Variants in DNAH17 observed in about 807,000 individuals in gnomAD.
DNAH17 encodes the protein dynein axonemal heavy chain 17.
A neutral mutation model predicts 485.6 loss-of-function variants in DNAH17; 376 were observed. The observed-to-expected ratio is 0.77, with a 90% CI of 0.71 to 0.84. The LOEUF (loss-of-function observed/expected upper bound fraction) is 0.84. Among genes scored for constraint, DNAH17 ranks in the 40% least tolerant of loss-of-function variants. DNAH17 has a pLI of 0.00. For synonymous variants in DNAH17, 3,031 were observed against 2,405.9 expected, an observed-to-expected ratio of 1.26 and a Z score of -7.60; for missense variants, 6,370 against 5,839.3, an observed-to-expected ratio of 1.09 and a Z score of -2.96.
rs1367698074 is a variant in DNAH17, at chr17:78,560,872, C to T, written c.1899G>A (p.Leu633=). 8 of 1,551,640 alleles carry T rather than the reference C, an allele frequency of 5.2e-6. No individual in the cohort carries two copies. In the Admixed American group the frequency reaches 1.6e-4, roughly 30 times the overall value. ...YQKYDEMMEL[L]RCHREKIYQQ... is the part of the protein sequence containing the mutation. ...GGTAGATCTTCTCGCGGTGGCACCTCAGCAGCTCCATCATCTCGTCATACT... is the reference window on the plus strand; with the variant it reads ...GGTAGATCTTCTCGCGGTGGCACCTTAGCAGCTCCATCATCTCGTCATACT... Residue 633 remains leucine (L), a synonymous_variant, in exon 13 of 81, where the codon CTG becomes CTA. Coordinates refer to ENST00000389840, the MANE Select transcript of DNAH17 (RefSeq NM_173628.4).
chr17:78,426,249 C>A (rs934281757), intron 79 of DNAH17, among the ~76,000 whole-genome samples: 1 of 152,208 alleles, frequency 6.6e-6, no homozygotes, highest in Non-Finnish European at 1.5e-5. Flanking sequence ...TGCGGCCTGG[C>A]TTGTTTTCCT....
chr17:78,517,589 G>A (rs868469729), intron 25 of DNAH17, among the ~76,000 whole-genome samples: 6 of 152,254 alleles, frequency 3.9e-5, no homozygotes, highest in African/African-American at 1.4e-4. Flanking sequence ...ACATGATCCA[G>A]ACTGCCCTCG....
intron 66 of DNAH17, among the ~76,000 whole-genome samples, chr17:78,451,136 G>A (rs1279224271): frequency 6.6e-6 from 1 of 152,256 alleles, no homozygotes; most frequent in Non-Finnish European, 1.5e-5. Context: ...CAGAAATGTG[G>A]CAGGTGCAAG....
chr17:78,510,160 C>T (rs962303066), intron 27 of DNAH17, among the ~76,000 whole-genome samples: 1 of 152,196 alleles, frequency 6.6e-6, no homozygotes, highest in African/African-American at 2.4e-5. Context: ...CCAGCCTGGG[C>T]AACAGAGAGA....
rs540430176 is a variant in DNAH17, at chr17:78,510,480, C to T, written c.4140G>A (p.Thr1380=). The change falls in exon 27 of 81, where the codon ACG becomes ACA. Residue 1380 remains threonine, a synonymous_variant. Coordinates refer to ENST00000389840, the MANE Select transcript of DNAH17 (RefSeq NM_173628.4). ...TCAGCTGCAGTAAATCTGCCAGGGT[C>T]GTCTCTTCTGACATTTTAAATTTCA... ...TQVKFKMSEE[T]TLADLLQLNL... 59 of 1,613,838 alleles carry T rather than the reference C, an allele frequency of 3.7e-5. No homozygotes were observed. The highest frequency in any genetic ancestry group is 3.3e-4 in the African/African-American group (25 of 75,038).
chr17:78,519,865 T>C (rs1300072193), intron 25 of DNAH17, among the ~76,000 whole-genome samples: 2 of 152,106 alleles, frequency 1.3e-5, no homozygotes, highest in African/African-American at 4.8e-5. Context: ...ATCCCAGCAC[T>C]TTGGGAGGCT....
chr17:78,470,532 TACA>T (rs1364330760), intron 54 of DNAH17, among the ~76,000 whole-genome samples: 1 of 151,844 alleles, frequency 6.6e-6, no homozygotes, highest in Non-Finnish European at 1.5e-5. Context: ...CTACAAAAAA[TACA>T]ACAATTAGCC....
Position 78,525,053 on chromosome 17 carries a change from G to A in DNAH17, c.3820C>T (p.Arg1274Trp), listed in dbSNP as rs760497286. The A allele has an allele frequency of 1.7e-5, 27 of 1,613,674 alleles. No homozygotes were observed. The highest frequency in any genetic ancestry group is 1.3e-4 in the African/African-American group (10 of 74,948). Residue 1274 changes from arginine (R) to tryptophan (W), a missense_variant, in exon 25 of 81, where the codon CGG (arginine) becomes TGG (tryptophan). Coordinates refer to ENST00000389840, the MANE Select transcript of DNAH17 (RefSeq NM_173628.4). ...PDYKQLKACHREVRLLKELWD... is the reference protein window; with the variant it reads ...PDYKQLKACHWEVRLLKELWD... ...AGCTCCTTCAGTAGGCGGACCTCCC[G>A]GTGGCAGGCCTTGAGCTGCTTGTAG...
chr17:78,503,692 G>A (rs951885279), intron 31 of DNAH17, among the ~76,000 whole-genome samples: 14 of 151,914 alleles, frequency 9.2e-5, no homozygotes, highest in East Asian at 2.0e-4. Flanking sequence ...GGGTCCAGGC[G>A]CAGTGGCTCA....
At chr17:78,443,907 G>A (rs576113209) in intron 71 of DNAH17, among the ~76,000 whole-genome samples, 1 of 152,296 alleles carries the variant, frequency 6.6e-6, no homozygotes, top group South Asian at 2.1e-4. Context: ...GCTACTTGGA[G>A]AAATGAAAAG....
At chr17:78,454,877 G>A (rs969479614) in intron 63 of DNAH17, among the ~76,000 whole-genome samples, 172 bp from the exon 64 acceptor site, 2 of 151,946 alleles carry the variant, frequency 1.3e-5, no homozygotes, top group East Asian at 1.9e-4. Context: ...TTTGTAACTC[G>A]GCCAGAAACG....
At chr17:78,499,865 C>T (rs2090210595) in intron 36 of DNAH17, 1 of 155,284 alleles carries the variant, frequency 6.4e-6, no homozygotes. Context: ...CTTCCCCTCC[C>T]TGGCCTCCTG....
At chr17:78,447,104 AT>A in intron 69 of DNAH17, among the ~76,000 whole-genome samples, 1 of 151,922 alleles carries the variant, frequency 6.6e-6, no homozygotes, top group Non-Finnish European at 1.5e-5. Context: ...TCACCTAGCT[AT>A]TTTTTTGTGG....
Position 78,552,803 on chromosome 17 carries a change from T to C in DNAH17, c.2181A>G (p.Ile727Met). The C allele has an allele frequency of 3.1e-6, 5 of 1,605,552 alleles. No homozygotes were observed. Among genetic ancestry groups the C allele is most frequent in the Non-Finnish European group, 4.3e-6 (5 of 1,172,290 alleles). Residue 727 changes from isoleucine to methionine, a missense_variant and splice_region_variant, in exon 15 of 81, where the codon ATA becomes ATG. By Grantham distance (10) the Ile-to-Met change is conservative (BLOSUM62 1). Transcript: ENST00000389840. ...LELIVGWYNE[I>M]KTIVKAVEFL... is the part of the protein sequence containing the mutation. ...ATTCTACTGCCTTCACTATAGTCTTTATCTGAAAAACAGAGGTGACAGGTT... is the reference window on the plus strand; with the variant it reads ...ATTCTACTGCCTTCACTATAGTCTTCATCTGAAAAACAGAGGTGACAGGTT...
chr17:78,557,453 A>C (rs543247881), intron 14 of DNAH17, among the ~76,000 whole-genome samples: 52 of 152,030 alleles, frequency 3.4e-4, no homozygotes, highest in Middle Eastern at 3.4e-3. Context: ...CTGTGTCTCT[A>C]CTAAAAATAC....
intron 18 of DNAH17, among the ~76,000 whole-genome samples, 153 bp downstream of exon 18, chr17:78,539,584 A>C (rs2091466511): frequency 6.6e-6 from 1 of 152,210 alleles, no homozygotes; most frequent in African/African-American, 2.4e-5. Flanking sequence ...CAGGACTTCC[A>C]GGTTTAAAAC....
At chr17:78,505,769 A>G (rs1461788083) in intron 30 of DNAH17, among the ~76,000 whole-genome samples, 1 of 152,134 alleles carries the variant, frequency 6.6e-6, no homozygotes, top group Non-Finnish European at 1.5e-5. Context: ...ACCCGAGGTC[A>G]GGAGTTCGAG....
chr17:78,566,344 G>A (rs1416964578), intron 11 of DNAH17, among the ~76,000 whole-genome samples: 2 of 152,148 alleles, frequency 1.3e-5, no homozygotes, highest in Admixed American at 1.3e-4. Flanking sequence ...TGGTCCCCTT[G>A]TTTCTTAGTG....
chr17:78,430,206 C>T (rs1398983879), intron 75 of DNAH17, among the ~76,000 whole-genome samples: 1 of 152,242 alleles, frequency 6.6e-6, no homozygotes, highest in Non-Finnish European at 1.5e-5. Flanking sequence ...CTGCACAGCG[C>T]AGTTCAGCAG....
Sources: allele counts gnomAD v4.1 joint callset (sites outside exome capture counted in the v4.1 genomes callset), GRCh38; gene constraint gnomAD v4.1.1; transcripts MANE v1.5; gene names NCBI Gene and HGNC (gene_info 2026-07-23, HGNC 2026-07-21).